The following NELL1 variants were observed in gnomAD, a reference collection of about 807,000 sequenced individuals.
NELL1 encodes the protein neural EGFL like 1.
In NELL1, 76 loss-of-function variants were observed where a neutral mutation model predicts 107.4. That is an observed-to-expected ratio of 0.71 (90% confidence interval 0.59 to 0.86). The LOEUF (loss-of-function observed/expected upper bound fraction) is 0.86. NELL1 is among the 40% of genes least tolerant of loss of function. The probability of loss-of-function intolerance (pLI) is 0.00; values close to 1 mark genes in which losing one functional copy is unlikely to be tolerated. For missense variants in NELL1, 1,024 were observed against 1,005.5 expected (o/e 1.02, Z -0.25); for synonymous variants, 353 against 341.2 (o/e 1.03, Z -0.38).
chr11:21,291,648 C>T (rs1590810098), intron 14 of NELL1, among the ~76,000 whole-genome samples: 1 of 152,116 alleles, frequency 6.6e-6, no homozygotes, highest in African/African-American at 2.4e-5. Context: ...GCCAGTATTC[C>T]CTGATGAACA....
At chr11:21,441,606 C>T (rs1261808033) in intron 15 of NELL1, among the ~76,000 whole-genome samples, 2 of 151,982 alleles carry the variant, frequency 1.3e-5, no homozygotes, top group African/African-American at 4.8e-5. Context: ...CTATGGTTTT[C>T]TAGCTCTAAA....
intron 14 of NELL1, among the ~76,000 whole-genome samples, chr11:21,350,618 T>C (rs555755169): frequency 2.7e-4 from 41 of 152,312 alleles, no homozygotes; most frequent in Non-Finnish European, 4.9e-4. Flanking sequence ...GCTGGTTTTT[T>C]AAGTTTACTC....
chr11:21,197,516 G>T (rs1857181589), intron 13 of NELL1, among the ~76,000 whole-genome samples: 1 of 152,076 alleles, frequency 6.6e-6, no homozygotes, highest in Non-Finnish European at 1.5e-5. Context: ...GGAACTGGAT[G>T]TAGAATTTGG....
At chr11:21,337,739 T>TCTTTCTTC (rs1555006078) in intron 14 of NELL1, among the ~76,000 whole-genome samples, 65 of 61,120 alleles carry the variant, frequency 1.1e-3, no homozygotes, top group African/African-American at 5.0e-3. Flanking sequence ...TTCTTTCCTT[T>TCTTTCTTC]CTTTCTTTCT....
At chr11:20,967,567 C>G (rs1264926564) in intron 12 of NELL1, among the ~76,000 whole-genome samples, 1 of 152,082 alleles carries the variant, frequency 6.6e-6, no homozygotes, top group Non-Finnish European at 1.5e-5. Context: ...CTTGATTCCA[C>G]TCTTTTCTTT....
chr11:21,368,716 C>T (rs1851289891), intron 14 of NELL1, among the ~76,000 whole-genome samples: 1 of 152,000 alleles, frequency 6.6e-6, no homozygotes, highest in South Asian at 2.1e-4. Context: ...AAGGTGAACA[C>T]CTTGTATGAT....
At chr11:21,276,480 AT>A (rs1848864643) in intron 14 of NELL1, among the ~76,000 whole-genome samples, 1 of 152,190 alleles carries the variant, frequency 6.6e-6, no homozygotes, top group Non-Finnish European at 1.5e-5. Context: ...GCCCAAGGTA[AT>A]TTATAGATTC....
At chr11:21,555,390 C>T (rs990061675) in intron 16 of NELL1, among the ~76,000 whole-genome samples, 5 of 151,742 alleles carry the variant, frequency 3.3e-5, no homozygotes, top group Non-Finnish European at 7.4e-5. Flanking sequence ...GAAGAGGGTC[C>T]CACGGAAGCT....
chr11:21,556,167 A>C (rs938156547), intron 16 of NELL1, among the ~76,000 whole-genome samples: 3 of 151,922 alleles, frequency 2.0e-5, no homozygotes, highest in Non-Finnish European at 4.4e-5. Context: ...GTCATTAATG[A>C]ACCCCCAAGC....
At chr11:20,804,502 C>A (rs1857341996) in intron 3 of NELL1, among the ~76,000 whole-genome samples, 1 of 152,222 alleles carries the variant, frequency 6.6e-6, no homozygotes, top group Admixed American at 6.5e-5. Context: ...TCCCAAAGTG[C>A]TGGGAATACA....
intron 13 of NELL1, among the ~76,000 whole-genome samples, chr11:21,209,627 C>T (rs1857459289): frequency 6.6e-6 from 1 of 151,866 alleles, no homozygotes. Context: ...ATAAGTTTTA[C>T]CCCATTAAAG....
At chr11:21,006,389 C>T (rs1852328474) in intron 12 of NELL1, among the ~76,000 whole-genome samples, 1 of 152,060 alleles carries the variant, frequency 6.6e-6, no homozygotes, top group South Asian at 2.1e-4. Flanking sequence ...GTCCCTTAAC[C>T]TTGGACTTTT....
intron 14 of NELL1, among the ~76,000 whole-genome samples, chr11:21,347,574 G>T (rs1850712654): frequency 6.6e-6 from 1 of 152,094 alleles, no homozygotes. Flanking sequence ...TGTACTCCAG[G>T]CTGGGCAACA....
chr11:21,342,389 C>G (rs889949526), intron 14 of NELL1, among the ~76,000 whole-genome samples: 6 of 143,248 alleles, frequency 4.2e-5, no homozygotes, highest in African/African-American at 1.6e-4. Context: ...GCCTGTAATC[C>G]CAGTGCTTTG....
intron 15 of NELL1, among the ~76,000 whole-genome samples, chr11:21,422,539 G>T (rs952112516): frequency 6.6e-6 from 1 of 151,994 alleles, no homozygotes; most frequent in Non-Finnish European, 1.5e-5. Flanking sequence ...GCACAAAGAT[G>T]TAATTGAAAA....
intron 12 of NELL1, among the ~76,000 whole-genome samples, chr11:21,025,780 G>A (rs528061388): frequency 1.3e-5 from 2 of 152,072 alleles, no homozygotes; most frequent in East Asian, 1.9e-4. Flanking sequence ...TCCACTTGAC[G>A]TTGAAAATGA....
At chr11:20,939,117 A>G (rs1028295213) in intron 10 of NELL1, among the ~76,000 whole-genome samples, 2 of 152,108 alleles carry the variant, frequency 1.3e-5, no homozygotes, top group Non-Finnish European at 2.9e-5. Flanking sequence ...GAAGATGTAC[A>G]GGAAAAGAGA....
chr11:21,277,211 A>C (rs1848884817), intron 14 of NELL1, among the ~76,000 whole-genome samples: 1 of 152,118 alleles, frequency 6.6e-6, no homozygotes, highest in African/African-American at 2.4e-5. Context: ...AGAAAAAAAC[A>C]AACAGCCCCA....
intron 12 of NELL1, among the ~76,000 whole-genome samples, chr11:21,004,908 A>G (rs537170003): frequency 1.3e-5 from 2 of 152,256 alleles, no homozygotes; most frequent in African/African-American, 4.8e-5. Context: ...TTTGTGGAAC[A>G]CCTCAACTAG....
Sources: allele counts gnomAD v4.1 joint callset (sites outside exome capture counted in the v4.1 genomes callset), GRCh38; gene constraint gnomAD v4.1.1; transcripts MANE v1.5; gene names NCBI Gene and HGNC (gene_info 2026-07-23, HGNC 2026-07-21).